Variants in KLF8 observed in about 807,000 individuals in gnomAD.
KLF8 encodes Krueppel-like factor 8.
A neutral mutation model predicts 18.2 loss-of-function variants in KLF8; 10 were observed. The observed-to-expected ratio is 0.55, with a 90% CI of 0.34 to 0.93. The LOEUF (loss-of-function observed/expected upper bound fraction) is 0.93, where lower values mean the gene tolerates loss of function less well. KLF8 is among the 40% of genes least tolerant of loss of function. KLF8 has a pLI of 0.02. For missense variants in KLF8, 264 were observed against 277.9 expected, an observed-to-expected ratio of 0.95 and a Z score of 0.36; for synonymous variants, 109 against 97.3, an observed-to-expected ratio of 1.12 and a Z score of -0.71.
the KLF8 span, among the ~76,000 whole-genome samples, chrX:55,967,628 A>G: frequency 1.8e-5 from 2 of 112,063 alleles, no homozygotes; most frequent in Non-Finnish European, 3.8e-5. Flanking sequence ...TTCTGCTATC[A>G]GAAAGGAAAG....
chrX:55,976,859 G>A, the KLF8 span, among the ~76,000 whole-genome samples: 2 of 111,367 alleles, frequency 1.8e-5, no homozygotes, highest in African/African-American at 3.3e-5. Context: ...ACTCAGTTAA[G>A]TTTATTCCTA....
the KLF8 span, among the ~76,000 whole-genome samples, chrX:56,042,458 A>T: frequency 9.0e-6 from 1 of 111,166 alleles, no homozygotes. Flanking sequence ...TACTCCCACT[A>T]TTTTTGTGTG....
At chrX:56,279,208 T>C (rs1482055477) in intron 5 of KLF8, among the ~76,000 whole-genome samples, 1 of 111,865 alleles carries the variant, frequency 8.9e-6, no homozygotes, top group Non-Finnish European at 1.9e-5. Flanking sequence ...TTCATTCTTA[T>C]GAAGGTCCTT....
the KLF8 span, among the ~76,000 whole-genome samples, chrX:56,134,154 A>G: frequency 9.0e-6 from 1 of 111,686 alleles, no homozygotes; most frequent in East Asian, 2.8e-4. Flanking sequence ...TCACAGAACT[A>G]GAAAAAACAA....
chrX:56,221,188 A>C, the KLF8 span, among the ~76,000 whole-genome samples: 1 of 112,147 alleles, frequency 8.9e-6, no homozygotes, highest in African/African-American at 3.2e-5. Flanking sequence ...ACTAGTTCTG[A>C]AGTAAACTTT....
At chrX:56,157,903 C>G in the KLF8 span, among the ~76,000 whole-genome samples, 2 of 111,696 alleles carry the variant, frequency 1.8e-5, no homozygotes, top group Admixed American at 1.9e-4. Flanking sequence ...AATTAGATCC[C>G]ATTTGTCAAT....
At chrX:56,079,837 T>C in the KLF8 span, among the ~76,000 whole-genome samples, 1 of 111,421 alleles carries the variant, frequency 9.0e-6, no homozygotes, top group African/African-American at 3.3e-5. Context: ...TGCTCCTGTA[T>C]TGGATGCATA....
the KLF8 span, among the ~76,000 whole-genome samples, chrX:55,993,734 G>A: frequency 9.1e-6 from 1 of 110,480 alleles, no homozygotes; most frequent in South Asian, 3.8e-4. Flanking sequence ...TATGGTTCAG[G>A]GCTTTTTCTG....
the KLF8 span, among the ~76,000 whole-genome samples, chrX:56,217,012 T>A: frequency 8.9e-6 from 1 of 111,970 alleles, no homozygotes; most frequent in Non-Finnish European, 1.9e-5. Flanking sequence ...CAGATGTCTG[T>A]CTGTTTAATA....
chrX:56,043,880 CA>C, the KLF8 span, among the ~76,000 whole-genome samples: 2 of 112,571 alleles, frequency 1.8e-5, no homozygotes. Flanking sequence ...AGAGAAGAGG[CA>C]CTCTGGTTTT....
chrX:56,096,200 G>A, the KLF8 span, among the ~76,000 whole-genome samples: 4 of 111,442 alleles, frequency 3.6e-5, no homozygotes, highest in African/African-American at 9.8e-5. Context: ...GAAACAGAGC[G>A]CCAAATACTA....
chrX:56,164,081 G>A, the KLF8 span, among the ~76,000 whole-genome samples: 7 of 98,028 alleles, frequency 7.1e-5, no homozygotes, highest in Non-Finnish European at 1.2e-4. Context: ...TCAGGCTCTC[G>A]TTTGGTTCCA....
the KLF8 span, among the ~76,000 whole-genome samples, chrX:56,182,761 A>T: frequency 8.9e-4 from 100 of 112,705 alleles, no homozygotes; most frequent in East Asian, 0.011. Flanking sequence ...CCTGGGTATT[A>T]CCAGCAGAGG....
At chrX:56,106,022 C>A in the KLF8 span, among the ~76,000 whole-genome samples, 4 of 111,648 alleles carry the variant, frequency 3.6e-5, no homozygotes, top group Non-Finnish European at 7.5e-5. Context: ...AAATTCTTTT[C>A]TTTAAGAATG....
chrX:56,262,597 T>C (rs1569184419), intron 2 of KLF8, among the ~76,000 whole-genome samples: 1 of 111,587 alleles, frequency 9.0e-6, no homozygotes, highest in Admixed American at 9.5e-5. Context: ...GCAAGTTGTG[T>C]TTATTTATAC....
chrX:56,184,032 G>T, the KLF8 span, among the ~76,000 whole-genome samples: 4 of 112,059 alleles, frequency 3.6e-5, no homozygotes, highest in East Asian at 2.8e-4. Flanking sequence ...AGGACAGTGG[G>T]TGCAGTGCAC....
the KLF8 span, among the ~76,000 whole-genome samples, chrX:56,146,243 C>A: frequency 8.9e-6 from 1 of 111,999 alleles, no homozygotes; most frequent in Non-Finnish European, 1.9e-5. Context: ...AATCATTCTA[C>A]TATAAAGACA....
the KLF8 span, among the ~76,000 whole-genome samples, chrX:56,009,677 AT>A: frequency 8.9e-6 from 1 of 112,004 alleles, no homozygotes; most frequent in Non-Finnish European, 1.9e-5. Context: ...CTAAAAAAGC[AT>A]GTTTTAACCC....
chrX:56,220,660 T>A, the KLF8 span, among the ~76,000 whole-genome samples: 1 of 110,788 alleles, frequency 9.0e-6, no homozygotes, highest in South Asian at 3.9e-4. Flanking sequence ...TAATTCTGTT[T>A]GTATTTTTAG....
Sources: allele counts gnomAD v4.1 joint callset (sites outside exome capture counted in the v4.1 genomes callset), GRCh38; gene constraint gnomAD v4.1.1; transcripts MANE v1.5; gene names NCBI Gene and HGNC (gene_info 2026-07-23, HGNC 2026-07-21).